Variants in GALNT9 observed in about 807,000 individuals in gnomAD.
GALNT9 encodes GalNAc transferase 9.
In GALNT9, 47 loss-of-function variants were observed where a neutral mutation model predicts 63.1. The observed-to-expected ratio is 0.75, with a 90% CI of 0.59 to 0.95. The LOEUF is 0.95. Ranked by LOEUF, GALNT9 falls within the 40% of genes least tolerant of loss-of-function variation. The pLI is 0.00. For missense variants in GALNT9, 829 were observed against 874.8 expected (o/e 0.95, Z 0.66); for synonymous variants, 396 against 365.7 (o/e 1.08, Z -0.94).
At chr12:132,293,686 C>T (rs1365448488) in intron 1 of GALNT9, among the ~76,000 whole-genome samples, 2 of 152,040 alleles carry the variant, frequency 1.3e-5, no homozygotes, top group Non-Finnish European at 2.9e-5. Context: ...AGGGGACCCC[C>T]TGCACATTCA....
intron 4 of GALNT9, among the ~76,000 whole-genome samples, chr12:132,258,846 C>T (rs1280763881): frequency 3.9e-5 from 6 of 152,222 alleles, no homozygotes; most frequent in African/African-American, 9.6e-5. Flanking sequence ...AGAGGCCCGC[C>T]GTCCACGCTG....
intron 5 of GALNT9, 35 bp downstream of exon 5, chr12:132,257,654 C>G: frequency 6.7e-7 from 1 of 1,499,932 alleles, no homozygotes; most frequent in Non-Finnish European, 9.0e-7. Flanking sequence ...CCTTGCCGGG[C>G]AGGGCCGCCC....
chr12:132,200,753 C>T (rs1221947888), intron 8 of GALNT9: 1 of 246,774 alleles, frequency 4.1e-6, no homozygotes, highest in Non-Finnish European at 7.9e-6. Context: ...TCCCTATGTA[C>T]ACATACGTGA....
At chr12:132,320,306 G>A (rs928776690) in intron 1 of GALNT9, among the ~76,000 whole-genome samples, 5 of 152,308 alleles carry the variant, frequency 3.3e-5, no homozygotes, top group Non-Finnish European at 7.4e-5. Flanking sequence ...CCCGGGTTCC[G>A]ATTCCGCCTC....
chr12:132,249,045 G>C (rs782148454), intron 5 of GALNT9, among the ~76,000 whole-genome samples: 2 of 152,210 alleles, frequency 1.3e-5, no homozygotes, highest in Non-Finnish European at 2.9e-5. Flanking sequence ...GTTTCTACTG[G>C]GTGTCTGGAA....
intron 6 of GALNT9, among the ~76,000 whole-genome samples, chr12:132,217,684 C>T (rs1243024810): frequency 6.7e-6 from 1 of 150,116 alleles, no homozygotes; most frequent in Non-Finnish European, 1.5e-5. Flanking sequence ...CATCTACCTA[C>T]TCATTCACCC....
intron 1 of GALNT9, among the ~76,000 whole-genome samples, chr12:132,304,847 C>G (rs1881512786): frequency 3.0e-5 from 2 of 65,604 alleles, no homozygotes; most frequent in Admixed American, 1.6e-4. Flanking sequence ...CCGGGCACAC[C>G]CTCACCCGGG....
At chr12:132,249,935 T>G (rs1315330677) in intron 5 of GALNT9, among the ~76,000 whole-genome samples, 1 of 152,226 alleles carries the variant, frequency 6.6e-6, no homozygotes, top group Non-Finnish European at 1.5e-5. Flanking sequence ...AGGTCCTGCC[T>G]GCTGGAGCTG....
intron 1 of GALNT9, among the ~76,000 whole-genome samples, chr12:132,292,977 G>A (rs184935487): frequency 1.1e-4 from 16 of 152,324 alleles, no homozygotes; most frequent in Admixed American, 5.9e-4. Flanking sequence ...GGTCCAGAAC[G>A]CACATCCCTA....
Position 132,238,342 on chromosome 12 carries a change from G to A in GALNT9, c.1077+9568C>T, listed in dbSNP as rs2136895985. 3.3e-5 allele frequency among the ~76,000 whole-genome samples: 5 copies of A among 152,110 alleles called. No individual in the cohort carries two copies. The highest frequency in any genetic ancestry group is 4.4e-5 in the Non-Finnish European group (3 of 68,010). ...ACTGGCGAGGGGGACAGAGCTGGAT[G>A]GGGGGCTTCAGGAGGGGCCGGGCAG... is the stretch of plus-strand genomic sequence containing the variant. On this transcript the variant is annotated intron_variant, in intron 6 of 10. Coordinates refer to ENST00000328957, the MANE Select transcript of GALNT9 (RefSeq NM_001122636.2). This position sits in a 1 kb window ranked among gnomAD's most constrained non-coding sequence, Gnocchi z 6.5.
chr12:132,260,989 G>A lies in GALNT9; in HGVS notation c.720C>T (p.Val240=), dbSNP rs1315955261. Residue 240 remains valine, a synonymous_variant, in exon 4 of 11, where the codon GTC becomes GTT. Transcript: ENST00000328957. ...CGACGTGGGCATCAAAGAAGCCGAC[G>A]ACTGGGGCGGTGGCCGCCTTCCAGC... is the stretch of plus-strand genomic sequence containing the variant. ...LQGWKAATAP[V]VGFFDAHVEF... 12 of 1,548,492 alleles carry A rather than the reference G, an allele frequency of 7.7e-6. No individual in the cohort carries two copies. In the Admixed American group the frequency reaches 8.0e-5, roughly 10 times the overall value.
chr12:132,263,013 T>C (rs1879463157), intron 2 of GALNT9, among the ~76,000 whole-genome samples: 1 of 151,254 alleles, frequency 6.6e-6, no homozygotes, highest in East Asian at 1.9e-4. Flanking sequence ...GAGATGAACG[T>C]CCCCGTTCCA....
At chr12:132,203,721 C>T (rs1386707174) in intron 6 of GALNT9, 31 bp from the exon 7 acceptor site, 1 of 1,602,274 alleles carries the variant, frequency 6.2e-7, no homozygotes, top group Non-Finnish European at 8.5e-7. Flanking sequence ...GTGCCGGCGT[C>T]CTTCCCAACG....
chr12:132,306,819 C>G (rs1207852714), intron 1 of GALNT9, among the ~76,000 whole-genome samples: 1 of 152,222 alleles, frequency 6.6e-6, no homozygotes, highest in Non-Finnish European at 1.5e-5. Flanking sequence ...CTTCCGCGCA[C>G]ACCCGCCGCG....
chr12:132,254,475 G>A (rs543578080), intron 5 of GALNT9, among the ~76,000 whole-genome samples: 4 of 152,318 alleles, frequency 2.6e-5, no homozygotes, highest in Admixed American at 6.5e-5. Flanking sequence ...CATGAGGGGA[G>A]TGATTCTGAC....
chr12:132,207,628 C>T (rs903787878), intron 6 of GALNT9, among the ~76,000 whole-genome samples: 3 of 152,246 alleles, frequency 2.0e-5, no homozygotes, highest in South Asian at 2.1e-4. Flanking sequence ...ACGGGAGAGG[C>T]GAGGCTCCCG....
intron 1 of GALNT9, among the ~76,000 whole-genome samples, chr12:132,326,064 C>T (rs28701658): frequency 3.3e-5 from 5 of 152,264 alleles, no homozygotes; most frequent in East Asian, 1.9e-4. Context: ...GCCCTGCAAG[C>T]GCCTAGAGAA....
At chr12:132,284,879 G>A (rs1880529129) in intron 2 of GALNT9, among the ~76,000 whole-genome samples, 1 of 152,194 alleles carries the variant, frequency 6.6e-6, no homozygotes, top group Non-Finnish European at 1.5e-5. Flanking sequence ...GGCGCTCCCT[G>A]CACCCCTGGA....
At chr12:132,308,200 C>T (rs1881686423) in intron 1 of GALNT9, among the ~76,000 whole-genome samples, 2 of 152,218 alleles carry the variant, frequency 1.3e-5, no homozygotes, top group Non-Finnish European at 2.9e-5. Flanking sequence ...ACAGACCCTC[C>T]CTGCGGCCTC....
Sources: allele counts gnomAD v4.1 joint callset (sites outside exome capture counted in the v4.1 genomes callset), GRCh38; gene constraint gnomAD v4.1.1; non-coding constraint Gnocchi (gnomAD v3.1); transcripts MANE v1.5; gene names NCBI Gene and HGNC (gene_info 2026-07-23, HGNC 2026-07-21).